PDPR: variants seen among roughly 807,000 people sequenced by gnomAD.
PDPR encodes pyruvate dehydrogenase phosphatase regulatory subunit, also known as pyruvate dehydrogenase phosphatase regulatory subunit, mitochondrial.
A neutral mutation model predicts 102.2 loss-of-function variants in PDPR; 50 were observed. The observed-to-expected ratio is 0.49, with a 90% confidence interval of 0.39 to 0.62. The LOEUF is 0.62. Ranked by LOEUF, PDPR falls within the 20% of genes least tolerant of loss-of-function variation. PDPR has a pLI of 0.00. For synonymous variants in PDPR, 259 were observed against 406.0 expected, an observed-to-expected ratio of 0.64 and a Z score of 4.35; for missense variants, 625 against 1,098.2, an observed-to-expected ratio of 0.57 and a Z score of 6.09.
At chr16:70,114,081 A>G (rs1488982734), upstream of PDPR, 1 of 152,188 alleles carries the variant, frequency 6.6e-6, no homozygotes, top group East Asian at 1.9e-4. Context: ...CCCCGGTTCT[A>G]AAACGGCCCT....
At chr16:70,125,398 A>AAACAC (rs56891998) in intron 3 of PDPR, among the ~76,000 whole-genome samples, 2 of 147,092 alleles carry the variant, frequency 1.4e-5, no homozygotes, top group South Asian at 2.2e-4. Flanking sequence ...AAACAAAAAA[A>AAACAC]CAAAAATTAG....
downstream of PDPR, among the ~76,000 whole-genome samples, chr16:70,163,117 T>C (rs1258736013): frequency 6.6e-6 from 1 of 152,238 alleles, no homozygotes; most frequent in Non-Finnish European, 1.5e-5. Context: ...CCCAGCTAAT[T>C]TTTGTATTTT....
rs1326742664 is a variant in PDPR, at chr16:70,153,605, C to T, written c.2235+32C>T. 5.1e-6 allele frequency: 8 copies of T among 1,558,068 alleles called. No individual in the cohort carries two copies. In the Middle Eastern group the frequency reaches 5.1e-4, roughly 100 times the overall value. ...TGTTTACCCAGACTCCACTTTCACTCAGCATCCCGAGTAGTGAATCTGCAC... is the reference window on the plus strand; with the variant it reads ...TGTTTACCCAGACTCCACTTTCACTTAGCATCCCGAGTAGTGAATCTGCAC... On this transcript the variant is annotated intron_variant, in intron 18 of 18. Transcript: ENST00000288050.
rs1967397146 is a variant in PDPR, at chr16:70,157,927, T to G, written c.*1048T>G. 1.3e-5 allele frequency: 2 copies of G among 154,760 alleles called. No homozygotes were observed. The highest frequency in any genetic ancestry group is 6.5e-5 in the Admixed American group (1 of 15,320). The allele number at this position is 154,760 out of a possible 1,614,324, so 9.6% of individuals were successfully genotyped here. ...GATCAGGTGTGTTGTCCTGGGCCTT[T>G]CAACCTTGCGGGCTGTGCTGAGTTC... On this transcript the variant is annotated 3_prime_UTR_variant, in exon 19 of 19. Coordinates refer to ENST00000288050, the MANE Select transcript of PDPR (RefSeq NM_017990.5).
Position 70,157,106 on chromosome 16 carries a change from T to G in PDPR, c.*227T>G. 1 of 718,408 alleles carries G rather than the reference T, an allele frequency of 1.4e-6. No homozygotes were observed. Among genetic ancestry groups the G allele is most frequent in the Non-Finnish European group, 2.5e-6 (1 of 406,532 alleles). The allele number at this position is 718,408 out of a possible 1,614,324, so 44.5% of individuals were successfully genotyped here. A position where few individuals can be genotyped will look rare whatever the true frequency, so the allele number is the denominator to read the frequency against. Reference sequence around the variant, plus strand: ...ATATTCACTCTGGGCTCTTCTTCCCTTCCCACCCCTCACTCAGCTTCTCGT... The same window carrying G: ...ATATTCACTCTGGGCTCTTCTTCCCGTCCCACCCCTCACTCAGCTTCTCGT... On this transcript the variant is annotated 3_prime_UTR_variant, in exon 19 of 19. Transcript: ENST00000288050.
intron 18 of PDPR, among the ~76,000 whole-genome samples, chr16:70,154,288 A>G (rs570183041): frequency 1.2e-4 from 19 of 152,378 alleles, no homozygotes; most frequent in Non-Finnish European, 2.5e-4. Context: ...AAATCGCACC[A>G]CTGCACTCCA....
intron 9 of PDPR, among the ~76,000 whole-genome samples, chr16:70,135,245 T>C (rs1204676639): frequency 8.6e-5 from 13 of 151,942 alleles, no homozygotes; most frequent in Admixed American, 6.6e-4. Flanking sequence ...CCTTTTTTTT[T>C]TTTTTTCCTG....
At chr16:70,129,348 A>C (rs546860461) in intron 6 of PDPR, among the ~76,000 whole-genome samples, 1 of 152,380 alleles carries the variant, frequency 6.6e-6, no homozygotes, top group African/African-American at 2.4e-5. Flanking sequence ...GTGCTAATTA[A>C]TGCCCCTTTT....
chr16:70,140,529 G>T (rs1433564690), intron 11 of PDPR, among the ~76,000 whole-genome samples: 2 of 151,922 alleles, frequency 1.3e-5, no homozygotes, highest in Non-Finnish European at 2.9e-5. Flanking sequence ...CATAGAAAAT[G>T]GGGAAGGCGC....
At chr16:70,129,306 C>T (rs567585027) in intron 6 of PDPR, among the ~76,000 whole-genome samples, 184 bp downstream of exon 6, 1 of 152,402 alleles carries the variant, frequency 6.6e-6, no homozygotes, top group Non-Finnish European at 1.5e-5. Flanking sequence ...CCCTCAGGGC[C>T]ACATTTTTAA....
At chr16:70,145,773 T>G (rs1425783707) in intron 15 of PDPR, 1 of 469,588 alleles carries the variant, frequency 2.1e-6, no homozygotes, top group African/African-American at 2.0e-5. Context: ...ATGTTTGAAG[T>G]GGATTTAGCT....
intron 18 of PDPR, among the ~76,000 whole-genome samples, chr16:70,154,092 G>T (rs1211456707): frequency 6.6e-6 from 1 of 152,270 alleles, no homozygotes; most frequent in African/African-American, 2.4e-5. Flanking sequence ...GGAGGCAGAG[G>T]TTGCAGTGAG....
chr16:70,122,854 TAC>T (rs71151173), intron 3 of PDPR, among the ~76,000 whole-genome samples: 6 of 145,610 alleles, frequency 4.1e-5, no homozygotes, highest in East Asian at 2.1e-4. Flanking sequence ...TATACACACA[TAC>T]ACACACACAC....
In PDPR at chr16:70,157,045, C is replaced by A. The variant is rs1389397945; in HGVS notation, c.*166C>A. On this transcript the variant is annotated 3_prime_UTR_variant, in exon 19 of 19. Coordinates refer to ENST00000288050, the MANE Select transcript of PDPR (RefSeq NM_017990.5). ...TTGACCTACTTTAAACTTTTTTGCT[C>A]TGCAGCCTTCCTTGCCCTTCCACCT... 4 of 1,012,788 alleles carry A rather than the reference C, an allele frequency of 3.9e-6. No homozygotes were observed. The highest frequency in any genetic ancestry group is 4.0e-5 in the Admixed American group (2 of 49,980). 62.7% of individuals were successfully genotyped at this position (1,012,788 alleles called of 1,614,324 possible).
chr16:70,125,825 G>T (rs1319053516), intron 3 of PDPR, among the ~76,000 whole-genome samples: 1 of 152,176 alleles, frequency 6.6e-6, no homozygotes, highest in African/African-American at 2.4e-5. Context: ...GTAGAGATGG[G>T]GTTTCGCCAT....
At chr16:70,162,625 A>T (rs2152132185), downstream of PDPR, 1 of 152,856 alleles carries the variant, frequency 6.5e-6, no homozygotes, top group Middle Eastern at 3.3e-3. Flanking sequence ...GAGAGTGTGT[A>T]CCTCCCTGTG....
At chr16:70,147,986 T>C (rs1966374851) in intron 16 of PDPR, among the ~76,000 whole-genome samples, 2 of 152,210 alleles carry the variant, frequency 1.3e-5, no homozygotes, top group South Asian at 2.1e-4. Flanking sequence ...TGAGCTGCTA[T>C]GTAACGTGTT....
Position 70,151,720 on chromosome 16 carries a change from T to C in PDPR, c.2053-1671T>C, listed in dbSNP as rs1033648717. On this transcript the variant is annotated intron_variant, in intron 17 of 18. Transcript: ENST00000288050. Reference sequence around the variant, plus strand: ...TTTCCCTGGGCTGTTCCCATTCTTATGATTTTTCAAGAGTCTAAGAGATTA... The same window carrying C: ...TTTCCCTGGGCTGTTCCCATTCTTACGATTTTTCAAGAGTCTAAGAGATTA... 2.6e-5 allele frequency among the ~76,000 whole-genome samples: 4 copies of C among 152,284 alleles called. No homozygotes were observed. In the East Asian group the frequency reaches 5.8e-4, roughly 22 times the overall value.
intron 17 of PDPR, 73 bp downstream of exon 17, chr16:70,148,626 TGTGGG>T: frequency 7.2e-7 from 1 of 1,385,430 alleles, no homozygotes; most frequent in African/African-American, 1.4e-5. Context: ...CCACAACCAC[TGTGGG>T]GTGCCAGTGC....
Sources: gnomAD v4.1 joint callset for allele counts (sites outside exome capture counted in the v4.1 genomes callset) on GRCh38, gnomAD v4.1.1 for gene constraint, MANE v1.5 for transcripts, NCBI Gene and HGNC (gene_info 2026-07-23, HGNC 2026-07-21) for gene names.